PCDHGB7: variants seen among roughly 807,000 people sequenced by gnomAD.
PCDHGB7 encodes the protein protocadherin gamma subfamily B, 7.
In PCDHGB7, 37 loss-of-function variants were observed where a neutral mutation model predicts 61.4. The ratio of observed to expected loss-of-function variants is 0.60; its 90% CI spans 0.46 to 0.79. The LOEUF (loss-of-function observed/expected upper bound fraction) is 0.79, where lower values mean the gene tolerates loss of function less well. Ranked by LOEUF, PCDHGB7 falls within the 30% of genes least tolerant of loss-of-function variation. The pLI is 0.00. For missense variants in PCDHGB7, 1,166 were observed against 1,202.5 expected (o/e 0.97, Z 0.45); for synonymous variants, 464 against 503.5 (o/e 0.92, Z 1.05).
At chr5:141,483,745 T>C (rs1288301129) in intron 1 of PCDHGB7, among the ~76,000 whole-genome samples, 1 of 152,130 alleles carries the variant, frequency 6.6e-6, no homozygotes, top group Non-Finnish European at 1.5e-5. Flanking sequence ...AGGATATTCC[T>C]GAGGATCGAG....
Position 141,490,688 on chromosome 5 carries a change from C to G in PCDHGB7, c.2416-4119C>G. 1 of 1,614,218 alleles carries G rather than the reference C, an allele frequency of 6.2e-7. No individual in the cohort carries two copies. Among genetic ancestry groups the G allele is most frequent in the Non-Finnish European group, 8.5e-7 (1 of 1,180,032 alleles). On this transcript the variant is annotated intron_variant, in intron 1 of 3. Coordinates refer to ENST00000398594, the MANE Select transcript of PCDHGB7 (RefSeq NM_018927.4). The surrounding 1 kb of genome is among the most constrained non-coding windows in gnomAD (Gnocchi z 5.4). ...ACTGTGGCTGCCTCAGATCCAGACA[C>G]TGGGGATAATGCCCGCCTCACCTAC...
At chr5:141,475,979 C>A in intron 1 of PCDHGB7, 1 of 1,020,182 alleles carries the variant, frequency 9.8e-7, no homozygotes, top group Non-Finnish European at 1.4e-6. Flanking sequence ...GACTGAACAG[C>A]CGGCGAGCAA....
rs1330257915 is a variant in PCDHGB7 at position 141,486,153 on chromosome 5, C to T, written c.2416-8654C>T. Reference sequence around the variant, plus strand: ...GATGTGCGGGCTCGCGATGGGGGTTCTCCAGCCATGGAGCAACATTGCAGC... The same window carrying T: ...GATGTGCGGGCTCGCGATGGGGGTTTTCCAGCCATGGAGCAACATTGCAGC... On this transcript the variant is annotated intron_variant, in intron 1 of 3. Transcript: ENST00000398594. This position sits in a 1 kb window ranked among gnomAD's most constrained non-coding sequence, Gnocchi z 5.0. 1 of 1,614,084 alleles carries T rather than the reference C, an allele frequency of 6.2e-7. No homozygotes were observed. Among genetic ancestry groups the T allele is most frequent in the Non-Finnish European group, 8.5e-7 (1 of 1,180,036 alleles).
rs2099425622 is a variant in PCDHGB7, at chr5:141,477,947, T to C, written c.2416-16860T>C. Reference sequence around the variant, plus strand: ...CAATGCCTGGCTCTCCTACAGTCTCTTGGGATCCCCTAACCAGAGCCTTTT... The same window carrying C: ...CAATGCCTGGCTCTCCTACAGTCTCCTGGGATCCCCTAACCAGAGCCTTTT... On this transcript the variant is annotated intron_variant, in intron 1 of 3. Coordinates refer to ENST00000398594, the MANE Select transcript of PCDHGB7 (RefSeq NM_018927.4). The surrounding 1 kb of genome is among the most constrained non-coding windows in gnomAD (Gnocchi z 4.9). 1.9e-6 allele frequency: 3 copies of C among 1,614,132 alleles called. No homozygotes were observed. Among genetic ancestry groups the C allele is most frequent in the Non-Finnish European group, 2.5e-6 (3 of 1,180,018 alleles).
At chr5:141,449,369 G>A (rs561017816) in intron 1 of PCDHGB7, among the ~76,000 whole-genome samples, 4 of 152,068 alleles carry the variant, frequency 2.6e-5, no homozygotes, top group South Asian at 4.2e-4. Flanking sequence ...CACTTTGGGA[G>A]GCTGAGGCAG....
Position 141,422,925 on chromosome 5 carries a change from T to G in PCDHGB7, c.2415+2651T>G, listed in dbSNP as rs568894245. On this transcript the variant is annotated intron_variant, in intron 1 of 3. Transcript: ENST00000398594. ...ACAATGCGCCCGAGATCCTGTACCC[T>G]GCCCTCCCCACAGACGGCTCCACTG... 1.9e-6 allele frequency: 3 copies of G among 1,614,202 alleles called. No individual in the cohort carries two copies. The Admixed American group carries it at 5.0e-5, about 27-fold the overall frequency.
rs1476796525 is a variant in PCDHGB7, at chr5:141,419,443, C to T, written c.1584C>T (p.Phe528=). ...TCGACCACGAGCAGCTGCGCACCTT[C>T]GAGCTCACGCTGCAGGCCCGCGACC... ...RAFDHEQLRT[F]ELTLQARDQG... is the part of the protein sequence containing the mutation. The change falls in exon 1 of 4, where the codon TTC becomes TTT. Residue 528 remains phenylalanine (F), a synonymous_variant. Coordinates refer to ENST00000398594, the MANE Select transcript of PCDHGB7 (RefSeq NM_018927.4). 1.2e-6 allele frequency: 2 copies of T among 1,613,080 alleles called. No individual in the cohort carries two copies. The highest frequency in any genetic ancestry group is 2.2e-5 in the South Asian group (2 of 91,030).
At chr5:141,488,031 A>G (rs1475176300) in intron 1 of PCDHGB7, among the ~76,000 whole-genome samples, 1 of 152,122 alleles carries the variant, frequency 6.6e-6, no homozygotes, top group Non-Finnish European at 1.5e-5. Context: ...CTAGGTTACC[A>G]TTTCCCAAGG....
chr5:141,492,558 G>A (rs879634396), intron 1 of PCDHGB7, among the ~76,000 whole-genome samples: 1 of 152,236 alleles, frequency 6.6e-6, no homozygotes, highest in South Asian at 2.1e-4. Context: ...CGCCTGGGGG[G>A]CGGCCTGAGC....
chr5:141,420,960 T>C, intron 1 of PCDHGB7: 1 of 425,378 alleles, frequency 2.4e-6, no homozygotes, highest in East Asian at 3.9e-5. Context: ...TCTTAGTCGT[T>C]GCAATAATAA....
In PCDHGB7 at chr5:141,419,435, C is replaced by A. The variant is rs2096382649; in HGVS notation, c.1576C>A (p.Arg526Ser). The A allele has an allele frequency of 2.5e-6, 4 of 1,613,108 alleles. No individual in the cohort carries two copies. In the African/African-American group the frequency reaches 4.0e-5, roughly 16 times the overall value. ...GCGCGCCTTCGACCACGAGCAGCTG[C>A]GCACCTTCGAGCTCACGCTGCAGGC... is the stretch of plus-strand genomic sequence containing the variant. ...AQRAFDHEQL[R>S]TFELTLQARD... is the part of the protein sequence containing the mutation. The change falls in exon 1 of 4, where the codon CGC (arginine) becomes AGC (serine). Residue 526 changes from arginine to serine, a missense_variant. Transcript: ENST00000398594.
rs1449032006 is a variant in PCDHGB7 at position 141,438,617 on chromosome 5, TATATATATATATATATATAC to T, written c.2415+18345_2415+18364del. 2.9e-3 allele frequency among the ~76,000 whole-genome samples: 107 copies of T among 37,156 alleles called. 1 individual carries two copies. Among genetic ancestry groups the T allele is most frequent in the South Asian group, 0.015 (15 of 996 alleles). 24.4% of individuals were successfully genotyped at this position (37,156 alleles called of 152,430 possible). On this transcript the variant is annotated intron_variant, in intron 1 of 3. Transcript: ENST00000398594. Reference sequence around the variant, plus strand: ...ATATATATATATATATATATATATATATATATATATATATATATACACACACACACACACATATATGTATA... The same window carrying T: ...ATATATATATATATATATATATATATACACACACACACACATATATGTATA...
intron 1 of PCDHGB7, among the ~76,000 whole-genome samples, chr5:141,492,409 C>T (rs1367119266): frequency 6.6e-6 from 1 of 152,230 alleles, no homozygotes. Context: ...TCCCCTCTGC[C>T]GCTCCCTCCG....
chr5:141,459,699 A>G (rs2098973201), intron 1 of PCDHGB7, among the ~76,000 whole-genome samples: 1 of 152,218 alleles, frequency 6.6e-6, no homozygotes, highest in Non-Finnish European at 1.5e-5. Flanking sequence ...TCCGCTTGCT[A>G]CATTTTCTCA....
At position 141,418,647 on chromosome 5, in the gene PCDHGB7, G is replaced by C; in HGVS notation, c.788G>C (p.Arg263Thr). 1 of 1,614,034 alleles carries C rather than the reference G, an allele frequency of 6.2e-7. No homozygotes were observed. The highest frequency in any genetic ancestry group is 8.5e-7 in the Non-Finnish European group (1 of 1,179,890). The change falls in exon 1 of 4, where the codon AGA becomes ACA. Residue 263 changes from arginine (R) to threonine (T), a missense_variant. By Grantham distance (71) the Arg-to-Thr change is moderately conservative. Transcript: ENST00000398594. Reference protein sequence around the residue: ...EDVPPGTSILRVKATDQDEGI... With the variant: ...EDVPPGTSILTVKATDQDEGI... ...GTGCCTCCAGGCACCTCCATCCTGA[G>C]AGTGAAGGCCACTGACCAGGACGAG...
chr5:141,441,631 C>A, intron 1 of PCDHGB7: 2 of 226,308 alleles, frequency 8.8e-6, no homozygotes, highest in Non-Finnish European at 1.8e-5. Context: ...GACCTGGAGC[C>A]ACAGGCGCTG....
Position 141,511,344 on chromosome 5 carries a change from T to G in PCDHGB7, c.*171T>G, listed in dbSNP as rs2099883730. 3 of 1,419,052 alleles carry G rather than the reference T, an allele frequency of 2.1e-6. No homozygotes were observed. Among genetic ancestry groups the G allele is most frequent in the Non-Finnish European group, 2.8e-6 (3 of 1,067,404 alleles). 87.9% of individuals were successfully genotyped at this position (1,419,052 alleles called of 1,614,324 possible). On this transcript the variant is annotated 3_prime_UTR_variant, in exon 4 of 4. Coordinates refer to ENST00000398594, the MANE Select transcript of PCDHGB7 (RefSeq NM_018927.4). The stretch of plus-strand genomic sequence containing the variant: ...CAAGTGCCCAGTCAGCACCTACCCC[T>G]TCCCCCCCAGGGGGTTGAATATGCA...
Position 141,451,083 on chromosome 5 carries a change from C to T in PCDHGB7, c.2415+30809C>T, listed in dbSNP as rs192869194. On this transcript the variant is annotated intron_variant, in intron 1 of 3. Coordinates refer to ENST00000398594, the MANE Select transcript of PCDHGB7 (RefSeq NM_018927.4). The stretch of plus-strand genomic sequence containing the variant: ...GACCTTGTGATCCACCCACCTTGAC[C>T]TCCCAAAGTGTTGGGATTACAGGCG... 4.9e-4 allele frequency among the ~76,000 whole-genome samples: 75 copies of T among 152,174 alleles called. 3 individuals carry two copies. In the East Asian group the frequency reaches 0.014, roughly 29 times the overall value.
Position 141,487,106 on chromosome 5 carries a change from A to G in PCDHGB7, c.2416-7701A>G, listed in dbSNP as rs777727830. ...TGACCTCCCACCACAGAAGCTGGTC[A>G]TTGTGGTAAAGGATAGTGGTAGTCC... On this transcript the variant is annotated intron_variant, in intron 1 of 3. Transcript: ENST00000398594. The surrounding 1 kb of genome is among the most constrained non-coding windows in gnomAD (Gnocchi z 5.0). 1 of 1,613,902 alleles carries G rather than the reference A, an allele frequency of 6.2e-7. No individual in the cohort carries two copies. The highest frequency in any genetic ancestry group is 1.3e-5 in the African/African-American group (1 of 75,028).
Sources: allele counts gnomAD v4.1 joint callset (sites outside exome capture counted in the v4.1 genomes callset), GRCh38; gene constraint gnomAD v4.1.1; non-coding constraint Gnocchi (gnomAD v3.1); transcripts MANE v1.5; gene names NCBI Gene and HGNC (gene_info 2026-07-23, HGNC 2026-07-21).